The following PPP3CB variants were observed in gnomAD, a reference collection of about 807,000 sequenced individuals.
The protein encoded by PPP3CB is serine/threonine-protein phosphatase 2B catalytic subunit beta isoform.
In PPP3CB, 8 loss-of-function variants were observed where a neutral mutation model predicts 66.4. That is an observed-to-expected ratio of 0.12 (90% CI 0.07 to 0.22). The LOEUF (loss-of-function observed/expected upper bound fraction) is 0.22, where lower values mean the gene tolerates loss of function less well. Ranked by LOEUF, PPP3CB falls within the 10% of genes least tolerant of loss-of-function variation. The pLI, the probability that PPP3CB is intolerant of heterozygous loss-of-function variation, is 1.00. For synonymous variants in PPP3CB, 208 were observed against 221.2 expected (o/e 0.94, Z 0.53); for missense variants, 319 against 642.5 (o/e 0.50, Z 5.44).
rs772602690 is a variant in PPP3CB, at chr10:73,470,984, A to C, written c.810-20T>G. On this transcript the variant is annotated intron_variant, in intron 6 of 13. Coordinates refer to ENST00000360663, the MANE Select transcript of PPP3CB (RefSeq NM_021132.4). ...GGATAGCTGTGGGGGAAAAAGAGTA[A>C]ATTAAGTAAAATAATGGCTTTTCTG... 1 of 1,609,294 alleles carries C rather than the reference A, an allele frequency of 6.2e-7. No individual in the cohort carries two copies. The highest frequency in any genetic ancestry group is 2.2e-5 in the East Asian group (1 of 44,758).
intron 1 of PPP3CB, among the ~76,000 whole-genome samples, chr10:73,484,351 G>C (rs60374585): frequency 2.0e-5 from 3 of 151,892 alleles, no homozygotes; most frequent in South Asian, 2.1e-4. Flanking sequence ...CTCACTGCAA[G>C]CTCCGCCCCC....
chr10:73,488,323 T>A (rs759038770), intron 1 of PPP3CB, among the ~76,000 whole-genome samples: 5 of 152,010 alleles, frequency 3.3e-5, no homozygotes, highest in Non-Finnish European at 7.4e-5. Context: ...GGCAGGACAG[T>A]CACTGGAGCC....
intron 1 of PPP3CB, among the ~76,000 whole-genome samples, chr10:73,492,246 G>A (rs1267805952): frequency 6.6e-6 from 1 of 152,132 alleles, no homozygotes; most frequent in Non-Finnish European, 1.5e-5. Context: ...TCACATTGTA[G>A]GTGCTAAAAT....
chr10:73,474,825 C>T, intron 4 of PPP3CB, 94 bp downstream of exon 4: 3 of 1,491,724 alleles, frequency 2.0e-6, no homozygotes, highest in Non-Finnish European at 2.7e-6. Flanking sequence ...TCTGTCCTTA[C>T]ATGTTGCACT....
chr10:73,479,540 AAAGAT>A, intron 1 of PPP3CB, 23 bp from the exon 2 acceptor site: 2 of 1,600,850 alleles, frequency 1.2e-6, no homozygotes, highest in Non-Finnish European at 8.5e-7. Flanking sequence ...TTAATTAATA[AAAGAT>A]AAGTCACCAA....
chr10:73,475,255 T>C (rs899989829), intron 3 of PPP3CB, among the ~76,000 whole-genome samples: 6 of 152,196 alleles, frequency 3.9e-5, no homozygotes, highest in African/African-American at 1.4e-4. Flanking sequence ...CAATAAATAT[T>C]TGTTGAATGA....
chr10:73,488,839 C>G (rs1004387684), intron 1 of PPP3CB, among the ~76,000 whole-genome samples: 1 of 152,120 alleles, frequency 6.6e-6, no homozygotes, highest in Non-Finnish European at 1.5e-5. Context: ...ACTCTAAGTC[C>G]TATTGATTCT....
rs2057219631 is a variant in PPP3CB, at chr10:73,495,921, C to T, written c.-32G>A. Reference sequence around the variant, plus strand: ...CCCGGGGCTCGGCTAGGCTCTGGGCCGGGCGGGGTTGGGGGCGGGGGCGGC... The same window carrying T: ...CCCGGGGCTCGGCTAGGCTCTGGGCTGGGCGGGGTTGGGGGCGGGGGCGGC... On this transcript the variant is annotated 5_prime_UTR_variant, in exon 1 of 14. Transcript: ENST00000360663. 5.6e-5 allele frequency: 9 copies of T among 159,396 alleles called. No individual in the cohort carries two copies. Among genetic ancestry groups the T allele is most frequent in the Non-Finnish European group, 9.1e-5 (9 of 99,178 alleles). The allele number at this position is 159,396 out of a possible 1,614,324, so 9.9% of individuals were successfully genotyped here.
intron 8 of PPP3CB, 85 bp from the exon 9 acceptor site, chr10:73,467,763 GA>G (rs1301978965): frequency 3.4e-5 from 45 of 1,310,588 alleles, no homozygotes; most frequent in Non-Finnish European, 4.7e-5. Flanking sequence ...CATAAAAGCA[GA>G]AAAATATTAA....
chr10:73,472,529 A>G (rs1383448459), intron 4 of PPP3CB, among the ~76,000 whole-genome samples: 3 of 152,044 alleles, frequency 2.0e-5, no homozygotes, highest in Non-Finnish European at 4.4e-5. Context: ...TCTCTTAAAA[A>G]CAGCTCAACC....
At chr10:73,482,779 G>A (rs1015195786) in intron 1 of PPP3CB, among the ~76,000 whole-genome samples, 29 of 151,608 alleles carry the variant, frequency 1.9e-4, no homozygotes, top group Non-Finnish European at 3.2e-4. Flanking sequence ...CACCACACCC[G>A]GCTAATCTTT....
intron 8 of PPP3CB, among the ~76,000 whole-genome samples, chr10:73,469,911 A>G (rs966395262): frequency 6.6e-6 from 1 of 152,242 alleles, no homozygotes; most frequent in African/African-American, 2.4e-5. Flanking sequence ...ACAGAAGAGA[A>G]GCTGGCCTCT....
chr10:73,474,479 T>C (rs1043362744), intron 4 of PPP3CB, among the ~76,000 whole-genome samples: 6 of 152,136 alleles, frequency 3.9e-5, no homozygotes, highest in Middle Eastern at 3.2e-3. Context: ...CCCAGGCAAT[T>C]GTCCGTGCAG....
intron 2 of PPP3CB, 138 bp from the exon 3 acceptor site, chr10:73,478,761 T>A: frequency 4.2e-6 from 3 of 710,330 alleles, no homozygotes; most frequent in African/African-American, 1.8e-5. Flanking sequence ...CTATGAACAG[T>A]CATGATTAGG....
chr10:73,490,219 C>T (rs1223211727), intron 1 of PPP3CB, among the ~76,000 whole-genome samples: 2 of 152,210 alleles, frequency 1.3e-5, no homozygotes, highest in South Asian at 4.1e-4. Context: ...ACAAGCCCTT[C>T]CTAGACCATT....
chr10:73,467,120 A>G (rs1376239369), intron 9 of PPP3CB: 1 of 152,160 alleles, frequency 6.6e-6, no homozygotes, highest in African/African-American at 2.4e-5. Context: ...GATTTCTCTT[A>G]AAGTATAGAA....
chr10:73,485,984 T>A (rs2056969612), intron 1 of PPP3CB, among the ~76,000 whole-genome samples: 1 of 149,404 alleles, frequency 6.7e-6, no homozygotes, highest in Non-Finnish European at 1.5e-5. Context: ...CTTGCTCTGT[T>A]GCCCAGGCTA....
At chr10:73,488,631 C>A (rs1331342033) in intron 1 of PPP3CB, among the ~76,000 whole-genome samples, 1 of 151,070 alleles carries the variant, frequency 6.6e-6, no homozygotes, top group Non-Finnish European at 1.5e-5. Flanking sequence ...TATGGATTGG[C>A]CACATGCTTT....
intron 1 of PPP3CB, among the ~76,000 whole-genome samples, chr10:73,492,522 T>G (rs2057095288): frequency 6.6e-6 from 1 of 152,258 alleles, no homozygotes; most frequent in African/African-American, 2.4e-5. Flanking sequence ...GCTTTGCTGA[T>G]GTGGTAAGAA....
Sources: gnomAD v4.1 joint callset for allele counts (sites outside exome capture counted in the v4.1 genomes callset) on GRCh38, gnomAD v4.1.1 for gene constraint, MANE v1.5 for transcripts, NCBI Gene and HGNC (gene_info 2026-07-23, HGNC 2026-07-21) for gene names.